CAD: variants seen among roughly 807,000 people sequenced by gnomAD.
CAD encodes multifunctional protein CAD.
Under a neutral mutation model 237.2 loss-of-function variants are expected in CAD, and 81 were observed. The ratio of observed to expected loss-of-function variants is 0.34; its 90% CI spans 0.29 to 0.41. The LOEUF (loss-of-function observed/expected upper bound fraction) is 0.41. Among genes scored for constraint, CAD ranks in the 10% least tolerant of loss-of-function variants. The pLI, the probability that CAD is intolerant of heterozygous loss-of-function variation, is 1.00. For synonymous variants in CAD, 1,196 were observed against 1,162.8 expected (o/e 1.03, Z -0.58); for missense variants, 2,181 against 2,951.7 (o/e 0.74, Z 6.05).
chr2:27,232,844 T>C lies in CAD; in HGVS notation c.2892+150T>C. The C allele has an allele frequency of 1.0e-6, 1 of 979,606 alleles. No individual in the cohort carries two copies. Among genetic ancestry groups the C allele is most frequent in the Admixed American group, 2.0e-5 (1 of 49,606 alleles). The allele number at this position is 979,606 out of a possible 1,614,324, so 60.7% of individuals were successfully genotyped here. On this transcript the variant is annotated intron_variant, in intron 18 of 43. Transcript: ENST00000264705. This position sits in a 1 kb window ranked among gnomAD's most constrained non-coding sequence, Gnocchi z 4.1. Reference sequence around the variant, plus strand: ...GGGGGTCCTTTTAGGCCATCTCTCATGCCCCACACGGTATATGAATCTCTT... The same window carrying C: ...GGGGGTCCTTTTAGGCCATCTCTCACGCCCCACACGGTATATGAATCTCTT...
rs1384395139 is a variant in CAD at position 27,237,276 on chromosome 2, G to A, written c.4397-103G>A. 3.1e-5 allele frequency: 38 copies of A among 1,218,742 alleles called. No homozygotes were observed. Among genetic ancestry groups the A allele is most frequent in the African/African-American group, 7.4e-5 (5 of 67,230 alleles). The allele number at this position is 1,218,742 out of a possible 1,614,324, so 75.5% of individuals were successfully genotyped here. On this transcript the variant is annotated intron_variant, in intron 27 of 43. Transcript: ENST00000264705. The surrounding 1 kb of genome is among the most constrained non-coding windows in gnomAD (Gnocchi z 4.0). ...TGATCTCAGGTGATCTGCCCACCTC[G>A]GCCTCCCAAAGTGCTAGGATTACAG...
rs531546810 is a variant in CAD at position 27,221,123 on chromosome 2, G to A, written c.223-95G>A. On this transcript the variant is annotated intron_variant, in intron 2 of 43. Transcript: ENST00000264705. The stretch of plus-strand genomic sequence containing the variant: ...TTTGGTATATTGAAGGCCATTCAAT[G>A]TGGCTGAATATAGGGTCTGTGGCCA... The A allele has an allele frequency of 7.3e-6, 8 of 1,092,760 alleles. No individual in the cohort carries two copies. In the Admixed American group the frequency reaches 2.2e-4, roughly 31 times the overall value. The allele number at this position is 1,092,760 out of a possible 1,614,324, so 67.7% of individuals were successfully genotyped here. A position where few individuals can be genotyped will look rare whatever the true frequency, so the allele number is the denominator to read the frequency against.
rs1676041333 is a variant in CAD, at chr2:27,236,945, G to A, written c.4396+115G>A. The A allele has an allele frequency of 6.0e-6, 5 of 831,330 alleles. No individual in the cohort carries two copies. The South Asian group carries it at 6.9e-5, about 11-fold the overall frequency. The allele number at this position is 831,330 out of a possible 1,614,324, so 51.5% of individuals were successfully genotyped here. On this transcript the variant is annotated intron_variant, in intron 27 of 43. Coordinates refer to ENST00000264705, the MANE Select transcript of CAD (RefSeq NM_004341.5). This position sits in a 1 kb window ranked among gnomAD's most constrained non-coding sequence, Gnocchi z 4.1. ...CTCTTTGTCCTGGACTGCACAGACT[G>A]TGAAGACCCCAGAATGTTTCTCACT...
rs1252346542 is a variant in CAD at position 27,232,913 on chromosome 2, G to A, written c.2893-129G>A. 10 of 810,276 alleles carry A rather than the reference G, an allele frequency of 1.2e-5. No individual in the cohort carries two copies. The highest frequency in any genetic ancestry group is 1.7e-5 in the African/African-American group (1 of 59,618). 50.2% of individuals were successfully genotyped at this position (810,276 alleles called of 1,614,324 possible). On this transcript the variant is annotated intron_variant, in intron 18 of 43. Transcript: ENST00000264705. The surrounding 1 kb of genome is among the most constrained non-coding windows in gnomAD (Gnocchi z 4.1). The stretch of plus-strand genomic sequence containing the variant: ...CCTTCCCTCCCAAGGCAGGGGTCCT[G>A]TACAGCTCTTTCAGAGGAAGCTGTG...
intron 8 of CAD, 21 bp downstream of exon 8, chr2:27,224,050 G>A: frequency 2.6e-6 from 4 of 1,545,994 alleles, no homozygotes; most frequent in Non-Finnish European, 3.6e-6. Context: ...GAGTAGAACT[G>A]GGTTGTGGAC....
Position 27,226,811 on chromosome 2 carries a change from A to G in CAD, c.2157-21A>G, listed in dbSNP as rs750292284. 6.8e-6 allele frequency: 11 copies of G among 1,613,616 alleles called. No individual in the cohort carries two copies. The Admixed American group carries it at 1.2e-4, about 17-fold the overall frequency. ...ATGCTTCCTTCACTGTCCTTCTGGCATCCCACCTGCTGGACCCCAGGAACT... is the reference window on the plus strand; with the variant it reads ...ATGCTTCCTTCACTGTCCTTCTGGCGTCCCACCTGCTGGACCCCAGGAACT... On this transcript the variant is annotated intron_variant, in intron 14 of 43. Transcript: ENST00000264705.
At position 27,242,503 on chromosome 2, in the gene CAD, A is replaced by G. The variant is rs1572455241; in HGVS notation, c.6222+76A>G. The G allele has an allele frequency of 1.3e-6, 2 of 1,578,846 alleles. No individual in the cohort carries two copies. Among genetic ancestry groups the G allele is most frequent in the South Asian group, 2.3e-5 (2 of 86,652 alleles). The stretch of plus-strand genomic sequence containing the variant: ...GGAGGCAGGAAGTGGTTACCCCGGT[A>G]CAGGACAGCTGCATCAAGGAGGCCT... On this transcript the variant is annotated intron_variant, in intron 40 of 43. Coordinates refer to ENST00000264705, the MANE Select transcript of CAD (RefSeq NM_004341.5). The surrounding 1 kb of genome is among the most constrained non-coding windows in gnomAD (Gnocchi z 6.4).
At chr2:27,228,178 G>A (rs1246980664) in intron 15 of CAD, among the ~76,000 whole-genome samples, 1 of 152,192 alleles carries the variant, frequency 6.6e-6, no homozygotes, top group Non-Finnish European at 1.5e-5. Flanking sequence ...AGTCAGAGGA[G>A]ATGAACAACA....
chr2:27,238,541 G>C lies in CAD; in HGVS notation c.4971G>C (p.Lys1657Asn), dbSNP rs1676137380. Reference protein sequence around the residue: ...HDDLERLGPGKGEVRPELGSR... With the variant: ...HDDLERLGPGNGEVRPELGSR... ...ACCTGGAGCGCCTGGGGCCTGGGAA[G>C]GGGGAGGTCCGGCCTGAGCTTGGCT... The change falls in exon 31 of 44, where the codon AAG becomes AAC. Residue 1657 changes from lysine (K) to asparagine (N), a missense_variant. Around this residue, in one of 12 missense-constraint regions of CAD, gnomAD observed 478 missense variants for 515.0 expected, o/e 0.93. Coordinates refer to ENST00000264705, the MANE Select transcript of CAD (RefSeq NM_004341.5). 1.9e-6 allele frequency: 3 copies of C among 1,614,092 alleles called. No individual in the cohort carries two copies. In the South Asian group the frequency reaches 3.3e-5, roughly 18 times the overall value.
intron 15 of CAD, among the ~76,000 whole-genome samples, chr2:27,229,832 C>T (rs1675636913): frequency 7.0e-6 from 1 of 142,696 alleles, no homozygotes; most frequent in African/African-American, 2.7e-5. Context: ...GCTGAGATTG[C>T]ACCACTGACT....
rs1572453478 is a variant in CAD at position 27,241,408 on chromosome 2, G to C, written c.5883+12G>C. The C allele has an allele frequency of 6.2e-7, 1 of 1,614,042 alleles. No homozygotes were observed. The highest frequency in any genetic ancestry group is 8.5e-7 in the Non-Finnish European group (1 of 1,179,868). ...TCGACATCCTGAAGGTCAGGATCAG[G>C]GCCGGGGGTAGGGTCCAGGCCATCG... On this transcript the variant is annotated intron_variant, in intron 38 of 43. Coordinates refer to ENST00000264705, the MANE Select transcript of CAD (RefSeq NM_004341.5). This position sits in a 1 kb window ranked among gnomAD's most constrained non-coding sequence, Gnocchi z 4.6.
rs1368810479 is a variant in CAD, at chr2:27,242,531, A to G, written c.6223-89A>G. ...GGACAGCTGCATCAAGGAGGCCTTCATTCTGCTCCAGAGGCTTTTAAAAGC... is the reference window on the plus strand; with the variant it reads ...GGACAGCTGCATCAAGGAGGCCTTCGTTCTGCTCCAGAGGCTTTTAAAAGC... On this transcript the variant is annotated intron_variant, in intron 40 of 43. Coordinates refer to ENST00000264705, the MANE Select transcript of CAD (RefSeq NM_004341.5). The surrounding 1 kb of genome is among the most constrained non-coding windows in gnomAD (Gnocchi z 6.4). The G allele has an allele frequency of 1.3e-5, 21 of 1,558,334 alleles. No homozygotes were observed. The Admixed American group carries it at 3.4e-4, about 25-fold the overall frequency.
chr2:27,231,818 G>C (rs890994373), intron 16 of CAD, among the ~76,000 whole-genome samples, 162 bp from the exon 17 acceptor site: 1 of 152,214 alleles, frequency 6.6e-6, no homozygotes, highest in Non-Finnish European at 1.5e-5. Flanking sequence ...AAGCCACATA[G>C]CCAATGAGAG....
chr2:27,224,099 A>G (rs962264191), intron 8 of CAD, 70 bp downstream of exon 8: 10 of 1,187,404 alleles, frequency 8.4e-6, no homozygotes, highest in Admixed American at 1.7e-5. Flanking sequence ...CATAAGGTGG[A>G]CATGCCCTGG....
chr2:27,217,896 C>T lies in CAD; in HGVS notation c.102C>T (p.Val34=). The T allele has an allele frequency of 5.0e-6, 8 of 1,606,534 alleles. No homozygotes were observed. The highest frequency in any genetic ancestry group is 6.8e-6 in the Non-Finnish European group (8 of 1,176,804). Residue 34 remains valine, a synonymous_variant, in exon 2 of 44, where the codon GTC becomes GTT. Transcript: ENST00000264705. ...TTGCAGTGTTTCAAACCGGCATGGTCGGCTACCCCGAGGCCCTCACTGATC... is the reference window on the plus strand; with the variant it reads ...TTGCAGTGTTTCAAACCGGCATGGTTGGCTACCCCGAGGCCCTCACTGATC... The part of the protein sequence containing the change: ...AGEVVFQTGM[V]GYPEALTDPS...
chr2:27,239,163 G>A lies in CAD; in HGVS notation c.5184G>A (p.Leu1728=). 2 of 1,613,310 alleles carry A rather than the reference G, an allele frequency of 1.2e-6. No homozygotes were observed. Among genetic ancestry groups the A allele is most frequent in the Non-Finnish European group, 8.5e-7 (1 of 1,179,536 alleles). Residue 1728 remains leucine (L), a synonymous_variant, in exon 32 of 44, where the codon CTG becomes CTA. Transcript: ENST00000264705. The surrounding 1 kb of genome is among the most constrained non-coding windows in gnomAD (Gnocchi z 4.0). ...VSEGRLSLDD[L]LQRLHHNPRR... is the part of the protein sequence containing the mutation. ...AGGGCCGGCTCAGCCTGGACGACCT[G>A]CTGCAGCGATTGCACCACAATCCTC...
rs1325424672 is a variant in CAD at position 27,240,443 on chromosome 2, C to A, written c.5593+82C>A. 2 of 1,483,840 alleles carry A rather than the reference C, an allele frequency of 1.3e-6. No individual in the cohort carries two copies. The highest frequency in any genetic ancestry group is 1.7e-5 in the Admixed American group (1 of 59,428). 91.9% of individuals were successfully genotyped at this position (1,483,840 alleles called of 1,614,324 possible). A position where few individuals can be genotyped will look rare whatever the true frequency, so the allele number is the denominator to read the frequency against. ...CCAGTGCCTCGCCTTTCTCTACTTA[C>A]ATGTCCTCCTCTCCATCCCTTTATC... is the stretch of plus-strand genomic sequence containing the variant. On this transcript the variant is annotated intron_variant, in intron 35 of 43. Transcript: ENST00000264705. The surrounding 1 kb of genome is among the most constrained non-coding windows in gnomAD (Gnocchi z 4.6).
Position 27,223,705 on chromosome 2 carries a change from G to A in CAD, c.952G>A (p.Gly318Ser). Reference sequence around the variant, plus strand: ...TCCTCTCTTCACCAACGCCAATGATGGTTCCAATGAAGGCATTGTGCACAA... The same window carrying A: ...TCCTCTCTTCACCAACGCCAATGATAGTTCCAATGAAGGCATTGTGCACAA... ...WAPLFTNANDGSNEGIVHNSL... is the reference protein window; with the variant it reads ...WAPLFTNANDSSNEGIVHNSL... The change falls in exon 7 of 44, where the codon GGT becomes AGT. Residue 318 changes from glycine to serine, a missense_variant. Around this residue, in one of 12 missense-constraint regions of CAD, gnomAD observed 129 missense variants for 143.3 expected, o/e 0.90. Coordinates refer to ENST00000264705, the MANE Select transcript of CAD (RefSeq NM_004341.5). 2 of 1,614,162 alleles carry A rather than the reference G, an allele frequency of 1.2e-6. No individual in the cohort carries two copies. Among genetic ancestry groups the A allele is most frequent in the Non-Finnish European group, 1.7e-6 (2 of 1,180,030 alleles).
In CAD at chr2:27,242,768, C is replaced by G. The variant is rs748534534; in HGVS notation, c.6371C>G (p.Thr2124Ser). The G allele has an allele frequency of 6.2e-7, 1 of 1,614,198 alleles. No individual in the cohort carries two copies. The highest frequency in any genetic ancestry group is 8.5e-7 in the Non-Finnish European group (1 of 1,180,036). ...TVRAFVASRGTKQEEFESIEE... is the reference protein window; with the variant it reads ...TVRAFVASRGSKQEEFESIEE... Reference sequence around the variant, plus strand: ...CGGGCCTTCGTGGCCTCCCGCGGCACCAAGCAGGTGAGACCCTCACAGCCC... The same window carrying G: ...CGGGCCTTCGTGGCCTCCCGCGGCAGCAAGCAGGTGAGACCCTCACAGCCC... The change falls in exon 41 of 44, where the codon ACC (threonine) becomes AGC (serine). Residue 2124 changes from threonine to serine, a missense_variant. Physicochemically the swap from Thr to Ser is moderately conservative, Grantham distance 58. Transcript: ENST00000264705. This position sits in a 1 kb window ranked among gnomAD's most constrained non-coding sequence, Gnocchi z 6.4.
Sources: gnomAD v4.1 joint callset for allele counts (sites outside exome capture counted in the v4.1 genomes callset) on GRCh38, gnomAD v4.1.1 for gene constraint, gnomAD v4.1.1 regional missense constraint, Gnocchi (gnomAD v3.1) non-coding constraint, MANE v1.5 for transcripts, NCBI Gene and HGNC (gene_info 2026-07-23, HGNC 2026-07-21) for gene names.